Variants in STPG2 observed in about 807,000 individuals in gnomAD.
The protein encoded by STPG2 is sperm-tail PG-rich repeat-containing protein 2.
Under a neutral mutation model 54.2 loss-of-function variants are expected in STPG2, and 56 were observed. The ratio of observed to expected loss-of-function variants is 1.03; its 90% confidence interval spans 0.83 to 1.29. The LOEUF (loss-of-function observed/expected upper bound fraction) is 1.29, where lower values mean the gene tolerates loss of function less well. Ranked by LOEUF, STPG2 falls within the 50% of genes most tolerant of loss-of-function variation. The pLI is 0.00. For missense variants in STPG2, 596 were observed against 544.9 expected, an observed-to-expected ratio of 1.09 and a Z score of -0.93; for synonymous variants, 200 against 181.8, an observed-to-expected ratio of 1.10 and a Z score of -0.81.
At chr4:97,620,298 G>T (rs1259968567) in intron 10 of STPG2, among the ~76,000 whole-genome samples, 1 of 152,132 alleles carries the variant, frequency 6.6e-6, no homozygotes, top group African/African-American at 2.4e-5. Context: ...CCTTCTTTGT[G>T]ATATTTTGGT....
intron 10 of STPG2, among the ~76,000 whole-genome samples, chr4:97,616,274 A>G (rs1205349401): frequency 6.6e-6 from 1 of 151,364 alleles, no homozygotes; most frequent in Non-Finnish European, 1.5e-5. Flanking sequence ...TATTTCCTAA[A>G]TGCTTTTAGT....
At chr4:97,947,770 T>C (rs1485392472) in intron 7 of STPG2, among the ~76,000 whole-genome samples, 1 of 152,110 alleles carries the variant, frequency 6.6e-6, no homozygotes, top group African/African-American at 2.4e-5. Context: ...GTTCATGATG[T>C]ATTATCTTTC....
intron 5 of STPG2, among the ~76,000 whole-genome samples, chr4:98,037,493 T>C (rs1373305432): frequency 6.6e-6 from 1 of 151,974 alleles, no homozygotes; most frequent in African/African-American, 2.4e-5. Flanking sequence ...CACAGCATCA[T>C]ACCTATAAGT....
chr4:97,968,259 C>T (rs1052731984), intron 7 of STPG2, among the ~76,000 whole-genome samples: 8 of 151,776 alleles, frequency 5.3e-5, no homozygotes, highest in Non-Finnish European at 8.8e-5. Context: ...ATCACTGAAT[C>T]GACCAATAAC....
chr4:97,949,290 C>T (rs192771512), intron 7 of STPG2, among the ~76,000 whole-genome samples: 10 of 152,152 alleles, frequency 6.6e-5, no homozygotes, highest in Middle Eastern at 3.4e-3. Flanking sequence ...CACCCTTTTA[C>T]CTTGAGTTTA....
At chr4:97,805,355 G>A (rs769524006) in intron 9 of STPG2, among the ~76,000 whole-genome samples, 11 of 151,936 alleles carry the variant, frequency 7.2e-5, no homozygotes, top group Non-Finnish European at 1.2e-4. Flanking sequence ...TTACAGGCGC[G>A]CACCACCACA....
At chr4:97,559,158 C>T in intron 10 of STPG2, 41 bp from the exon 11 acceptor site, 1 of 1,319,546 alleles carries the variant, frequency 7.6e-7, no homozygotes. Context: ...AAAACATCTA[C>T]TTACAAAAAG....
chr4:98,102,255 A>G (rs1009663808), intron 5 of STPG2, among the ~76,000 whole-genome samples: 1 of 152,160 alleles, frequency 6.6e-6, no homozygotes, highest in Admixed American at 6.5e-5. Flanking sequence ...ATATGCCTCT[A>G]TATTTGTCTT....
chr4:98,012,494 A>G (rs1578779073), intron 5 of STPG2, among the ~76,000 whole-genome samples: 1 of 152,118 alleles, frequency 6.6e-6, no homozygotes, highest in Non-Finnish European at 1.5e-5. Context: ...AAGAATGTCA[A>G]TGGTAGCTTG....
At chr4:97,497,435 C>T (rs1410372587) in intron 4 of STPG2, among the ~76,000 whole-genome samples, 1 of 151,790 alleles carries the variant, frequency 6.6e-6, no homozygotes, top group Admixed American at 6.6e-5. Context: ...CAATACTTTT[C>T]TCCCCATTGT....
At chr4:97,772,713 A>G (rs1726256605) in intron 9 of STPG2, among the ~76,000 whole-genome samples, 1 of 152,204 alleles carries the variant, frequency 6.6e-6, no homozygotes, top group Admixed American at 6.5e-5. Flanking sequence ...TCTCAAAATT[A>G]TAACAATAAA....
intron 10 of STPG2, among the ~76,000 whole-genome samples, chr4:97,560,461 G>A (rs532383580): frequency 5.9e-5 from 9 of 152,246 alleles, no homozygotes; most frequent in African/African-American, 2.2e-4. Flanking sequence ...TTAAGAGAGG[G>A]AAAGAACTAG....
intron 4 of STPG2, among the ~76,000 whole-genome samples, chr4:97,450,496 G>A (rs960191406): frequency 3.9e-5 from 6 of 152,180 alleles, no homozygotes; most frequent in African/African-American, 1.4e-4. Flanking sequence ...ACCAAGTAAA[G>A]GAGATCAGAG....
intron 9 of STPG2, among the ~76,000 whole-genome samples, chr4:97,811,184 C>T (rs945407840): frequency 3.3e-5 from 5 of 150,930 alleles, no homozygotes; most frequent in African/African-American, 1.2e-4. Flanking sequence ...ACAATTTAGG[C>T]GGTTAGTTTA....
intron 7 of STPG2, among the ~76,000 whole-genome samples, chr4:97,960,876 C>T (rs760195514): frequency 6.6e-6 from 1 of 151,902 alleles, no homozygotes; most frequent in Non-Finnish European, 1.5e-5. Context: ...CAAAGAAAAG[C>T]CCACATAGCC....
At chr4:97,805,383 T>C (rs966445342) in intron 9 of STPG2, among the ~76,000 whole-genome samples, 1 of 152,060 alleles carries the variant, frequency 6.6e-6, no homozygotes, top group Non-Finnish European at 1.5e-5. Flanking sequence ...AATTTTTCTA[T>C]TTCTTTTAGT....
chr4:97,849,002 T>C (rs1406143004), intron 8 of STPG2, among the ~76,000 whole-genome samples: 1 of 150,576 alleles, frequency 6.6e-6, no homozygotes, highest in Non-Finnish European at 1.5e-5. Context: ...TGGTTCCATA[T>C]GAACTTTAAA....
At chr4:98,080,577 A>T (rs1298674500) in intron 5 of STPG2, among the ~76,000 whole-genome samples, 2 of 152,208 alleles carry the variant, frequency 1.3e-5, no homozygotes, top group African/African-American at 4.8e-5. Context: ...ACATACACAC[A>T]TATATACATG....
intron 10 of STPG2, among the ~76,000 whole-genome samples, chr4:97,675,995 A>G (rs1443303705): frequency 6.8e-6 from 1 of 146,394 alleles, no homozygotes; most frequent in Admixed American, 6.9e-5. Context: ...TATATAAAAC[A>G]TATATATACT....
Sources: allele counts gnomAD v4.1 joint callset (sites outside exome capture counted in the v4.1 genomes callset), GRCh38; gene constraint gnomAD v4.1.1; transcripts MANE v1.5; gene names NCBI Gene and HGNC (gene_info 2026-07-23, HGNC 2026-07-21).